ERH: variants seen among roughly 807,000 people sequenced by gnomAD.
ERH encodes the protein ERH mRNA splicing and mitosis factor.
Under a neutral mutation model 16.8 loss-of-function variants are expected in ERH, and 1 was observed. The ratio of observed to expected loss-of-function variants is 0.06; its 90% confidence interval spans 0.02 to 0.28. The LOEUF is 0.28. ERH is among the 10% of genes least tolerant of loss of function. The pLI, the probability that ERH is intolerant of heterozygous loss-of-function variation, is 1.00. For synonymous variants in ERH, 43 were observed against 43.6 expected (o/e 0.99, Z 0.05); for missense variants, 42 against 127.5 (o/e 0.33, Z 3.23).
At chr14:69,388,267 GATA>G (rs1383887216) in intron 2 of ERH, among the ~76,000 whole-genome samples, 1 of 152,040 alleles carries the variant, frequency 6.6e-6, no homozygotes, top group African/African-American at 2.4e-5. Context: ...TAATAAAAAA[GATA>G]ATGAGCAAAA....
Position 69,394,813 on chromosome 14 carries a change from T to G in ERH, c.91+12A>C. 1 of 1,597,690 alleles carries G rather than the reference T, an allele frequency of 6.3e-7. No homozygotes were observed. Among genetic ancestry groups the G allele is most frequent in the East Asian group, 2.2e-5 (1 of 44,792 alleles). On this transcript the variant is annotated intron_variant, in intron 2 of 3. Transcript: ENST00000557016. ...AGACATTTTTCTACCCCTTGATTAG[T>G]GTTAAACTCACCTTCCATGCATTCA... is the stretch of plus-strand genomic sequence containing the variant.
intron 1 of ERH, 80 bp from the exon 2 acceptor site, chr14:69,394,992 A>C (rs1369792513): frequency 1.0e-6 from 1 of 969,040 alleles, no homozygotes; most frequent in Non-Finnish European, 1.6e-6. Context: ...CCCATTTGTA[A>C]TGCAATAATG....
chr14:69,394,551 C>T (rs1332340222), intron 2 of ERH, among the ~76,000 whole-genome samples: 9 of 152,140 alleles, frequency 5.9e-5, no homozygotes, highest in African/African-American at 1.9e-4. Flanking sequence ...AAGCCGAGAT[C>T]GCATTACTGC....
At chr14:69,394,670 C>T (rs1882294966) in intron 2 of ERH, among the ~76,000 whole-genome samples, 155 bp downstream of exon 2, 1 of 152,058 alleles carries the variant, frequency 6.6e-6, no homozygotes, top group South Asian at 2.1e-4. Context: ...ATCTGCTTTC[C>T]CTCCTAAAAT....
At chr14:69,388,327 A>G (rs2045904888) in intron 2 of ERH, among the ~76,000 whole-genome samples, 2 of 152,110 alleles carry the variant, frequency 1.3e-5, no homozygotes, top group Admixed American at 1.3e-4. Flanking sequence ...GCTATAGAGT[A>G]TATTATCTAT....
chr14:69,388,511 C>A (rs2045906045), intron 2 of ERH, among the ~76,000 whole-genome samples: 1 of 152,212 alleles, frequency 6.6e-6, no homozygotes, highest in Middle Eastern at 3.4e-3. Flanking sequence ...CAGGCACCCG[C>A]CACCACACCC....
chr14:69,395,711 T>C (rs1313209708), intron 1 of ERH, among the ~76,000 whole-genome samples: 1 of 152,214 alleles, frequency 6.6e-6, no homozygotes, highest in African/African-American at 2.4e-5. Context: ...ATTAAAGCAG[T>C]AGATAAATTA....
intron 1 of ERH, among the ~76,000 whole-genome samples, chr14:69,396,801 G>A (rs1298392656): frequency 6.6e-6 from 1 of 152,202 alleles, no homozygotes; most frequent in African/African-American, 2.4e-5. Flanking sequence ...AACCTGAGCA[G>A]TCAAAGCCTT....
intron 1 of ERH, among the ~76,000 whole-genome samples, chr14:69,396,313 G>A (rs1429332066): frequency 6.6e-6 from 1 of 152,262 alleles, no homozygotes; most frequent in Admixed American, 6.5e-5. Context: ...CCAGGCTGGA[G>A]CGCAAAGGCG....
chr14:69,384,037 T>C (rs970540315), intron 3 of ERH, among the ~76,000 whole-genome samples: 1 of 152,206 alleles, frequency 6.6e-6, no homozygotes, highest in African/African-American at 2.4e-5. Context: ...TGTTATGTCA[T>C]TAATGACATA....
chr14:69,384,617 A>ATTT (rs2045880953), intron 3 of ERH, among the ~76,000 whole-genome samples: 1 of 152,248 alleles, frequency 6.6e-6, no homozygotes, highest in Non-Finnish European at 1.5e-5. Context: ...AAAGACAACC[A>ATTT]TTAATTTTTA....
intron 1 of ERH, among the ~76,000 whole-genome samples, chr14:69,395,783 T>C (rs577896798): frequency 1.5e-4 from 23 of 152,370 alleles, no homozygotes; most frequent in African/African-American, 5.5e-4. Context: ...ACCTAGTAGA[T>C]GACTTGCCTT....
chr14:69,396,959 G>A (rs116340552), intron 1 of ERH, among the ~76,000 whole-genome samples: 1 of 152,196 alleles, frequency 6.6e-6, no homozygotes, highest in South Asian at 2.1e-4. Flanking sequence ...TGCAACAGAG[G>A]TTGCCCTATA....
chr14:69,386,306 A>C (rs2045892665), intron 3 of ERH, among the ~76,000 whole-genome samples: 1 of 152,238 alleles, frequency 6.6e-6, no homozygotes, highest in African/African-American at 2.4e-5. Context: ...CTAGCACAGC[A>C]CCTGACATGT....
chr14:69,392,372 G>C (rs1882237792), intron 2 of ERH, among the ~76,000 whole-genome samples: 1 of 152,034 alleles, frequency 6.6e-6, no homozygotes, highest in African/African-American at 2.4e-5. Context: ...AAAAGACATG[G>C]GGGAAACATA....
At chr14:69,381,574 T>C (rs1387107557) in intron 3 of ERH, among the ~76,000 whole-genome samples, 1 of 152,112 alleles carries the variant, frequency 6.6e-6, no homozygotes, top group African/African-American at 2.4e-5. Context: ...GTGAGTAGTA[T>C]CTAGTAAGAT....
chr14:69,387,136 A>G, intron 2 of ERH, 53 bp from the exon 3 acceptor site: 1 of 1,515,718 alleles, frequency 6.6e-7, no homozygotes, highest in Non-Finnish European at 9.1e-7. Context: ...ACACTTCTAG[A>G]TATGAGCAGT....
At chr14:69,391,751 G>A (rs917549356) in intron 2 of ERH, among the ~76,000 whole-genome samples, 2 of 147,054 alleles carry the variant, frequency 1.4e-5, no homozygotes, top group African/African-American at 5.0e-5. Flanking sequence ...TGACATTCCA[G>A]AAAAGGCAAA....
chr14:69,391,420 C>T (rs935176408), intron 2 of ERH, among the ~76,000 whole-genome samples: 5 of 151,690 alleles, frequency 3.3e-5, no homozygotes, highest in Non-Finnish European at 5.9e-5. Flanking sequence ...CTGAGGTGGA[C>T]GGATCACTTG....
Sources: gnomAD v4.1 joint callset for allele counts (sites outside exome capture counted in the v4.1 genomes callset) on GRCh38, gnomAD v4.1.1 for gene constraint, MANE v1.5 for transcripts, NCBI Gene and HGNC (gene_info 2026-07-23, HGNC 2026-07-21) for gene names.